The following ZNF618 variants were observed in gnomAD, a reference collection of about 807,000 sequenced individuals.
ZNF618 encodes neural precursor cell expressed, developmentally down-regulated 10.
Under a neutral mutation model 103.0 loss-of-function variants are expected in ZNF618, and 34 were observed. The observed-to-expected ratio is 0.33, with a 90% CI of 0.25 to 0.44. The LOEUF (loss-of-function observed/expected upper bound fraction) is 0.44. Ranked by LOEUF, ZNF618 falls within the 20% of genes least tolerant of loss-of-function variation. ZNF618 has a pLI of 1.00. For synonymous variants in ZNF618, 551 were observed against 542.2 expected, an observed-to-expected ratio of 1.02 and a Z score of -0.23; for missense variants, 1,059 against 1,295.4, an observed-to-expected ratio of 0.82 and a Z score of 2.80.
At chr9:113,876,472 G>C in intron 1 of ZNF618, 59 bp downstream of exon 1, 4 of 1,156,740 alleles carry the variant, frequency 3.5e-6, no homozygotes, top group Non-Finnish European at 4.3e-6. Flanking sequence ...CCGGGGCCCG[G>C]GGCGCTGCGC....
At chr9:113,944,902 A>T (rs1255482310) in intron 1 of ZNF618, among the ~76,000 whole-genome samples, 1 of 152,238 alleles carries the variant, frequency 6.6e-6, no homozygotes, top group Non-Finnish European at 1.5e-5. Flanking sequence ...ACAGGGGGCT[A>T]GTGGCAACCA....
intron 1 of ZNF618, among the ~76,000 whole-genome samples, chr9:113,925,944 T>G (rs572786396): frequency 8.5e-5 from 13 of 152,278 alleles, no homozygotes; most frequent in African/African-American, 3.1e-4. Context: ...TATTTTACTC[T>G]TATTTATTCC....
chr9:113,877,325 G>A (rs1347156863), intron 1 of ZNF618, among the ~76,000 whole-genome samples: 1 of 152,038 alleles, frequency 6.6e-6, no homozygotes, highest in Non-Finnish European at 1.5e-5. Context: ...TTGAGTTTAG[G>A]GAAAACTGAG....
intron 1 of ZNF618, among the ~76,000 whole-genome samples, chr9:113,963,863 C>G (rs1297373465): frequency 2.6e-5 from 4 of 152,070 alleles, no homozygotes; most frequent in African/African-American, 9.7e-5. Flanking sequence ...CAGCACACAC[C>G]CTGGGGGGTG....
rs1485168595 is a variant in ZNF618 at position 114,048,784 on chromosome 9, G to T, written c.1482G>T (p.Lys494Asn). ...TGGTCAGCGGGAAGGAGTTCCTGAA[G>T]TTGGCCCAGACCTTAGTAGACAGTG... ...LSVVSGKEFL[K>N]LAQTLVDSGA... The change falls in exon 15 of 15, where the codon AAG becomes AAT. Residue 494 changes from lysine to asparagine, a missense_variant. Transcript: ENST00000374126. The T allele has an allele frequency of 6.2e-7, 1 of 1,614,068 alleles. No individual in the cohort carries two copies. Among genetic ancestry groups the T allele is most frequent in the South Asian group, 1.1e-5 (1 of 91,082 alleles).
At chr9:113,878,582 G>A (rs1232271671) in intron 1 of ZNF618, among the ~76,000 whole-genome samples, 1 of 152,198 alleles carries the variant, frequency 6.6e-6, no homozygotes, top group Non-Finnish European at 1.5e-5. Context: ...GAAGCGTTTT[G>A]TGATAAATTA....
Position 114,049,861 on chromosome 9 carries a change from C to G in ZNF618, c.2559C>G (p.Pro853=). 6.2e-7 allele frequency: 1 copy of G among 1,613,946 alleles called. No homozygotes were observed. The change falls in exon 15 of 15, where the codon CCC becomes CCG. Residue 853 remains proline, a synonymous_variant. Coordinates refer to ENST00000374126, the MANE Select transcript of ZNF618 (RefSeq NM_001318042.2). ...ACTTCGAGCCCGCTGCCAAGAAGCC[C>G]CGCTCTGCTGCCGTCGAGAACCCCG... ...EADFEPAAKK[P]RSAAVENPAA... is the part of the protein sequence containing the mutation.
intron 10 of ZNF618, among the ~76,000 whole-genome samples, chr9:114,022,601 C>CAA (rs56235947): frequency 0.56 from 50,796 of 90,522 alleles, 14,907 homozygotes; most frequent in East Asian, 0.6. Context: ...TCCACTTGAC[C>CAA]AAAAAAAAAA....
chr9:114,026,136 G>A (rs1016700855), intron 10 of ZNF618, among the ~76,000 whole-genome samples: 1 of 152,206 alleles, frequency 6.6e-6, no homozygotes, highest in Admixed American at 6.5e-5. Flanking sequence ...TTTAAGTACA[G>A]TGTGTAGGAC....
rs768924155 is a variant in ZNF618 at position 113,968,355 on chromosome 9, A to G, written c.34-762A>G. On this transcript the variant is annotated intron_variant, in intron 1 of 14. Transcript: ENST00000374126. ...ATATGCACCTGAATTTCAGACCTGT[A>G]TTATCCTATGATTCTTATTAGAAGT... is the stretch of plus-strand genomic sequence containing the variant. Among the ~76,000 whole-genome samples the G allele has an allele frequency of 2.6e-4, 40 of 152,322 alleles. No individual in the cohort carries two copies. The Middle Eastern group carries it at 0.01, about 39-fold the overall frequency.
chr9:113,884,355 T>A (rs1451775261), intron 1 of ZNF618, among the ~76,000 whole-genome samples: 1 of 152,212 alleles, frequency 6.6e-6, no homozygotes, highest in Non-Finnish European at 1.5e-5. Context: ...TGCACCGTAT[T>A]TTCCTTACCT....
intron 1 of ZNF618, among the ~76,000 whole-genome samples, chr9:113,899,358 A>G (rs907688790): frequency 6.6e-6 from 1 of 151,996 alleles, no homozygotes; most frequent in African/African-American, 2.4e-5. Flanking sequence ...TGTGACTTAG[A>G]TCAGGGGTCC....
chr9:114,037,142 ATAAT>A (rs555863167), intron 13 of ZNF618, among the ~76,000 whole-genome samples: 1 of 152,334 alleles, frequency 6.6e-6, no homozygotes, highest in Admixed American at 6.5e-5. Flanking sequence ...GAATAAGTAA[ATAAT>A]TCCAAATTCT....
At chr9:113,916,805 CT>C (rs1832135207) in intron 1 of ZNF618, among the ~76,000 whole-genome samples, 1 of 152,236 alleles carries the variant, frequency 6.6e-6, no homozygotes. Context: ...AAAAACATTG[CT>C]CTGTCCCAAT....
intron 1 of ZNF618, among the ~76,000 whole-genome samples, chr9:113,911,338 G>GT (rs1162340103): frequency 6.6e-6 from 1 of 151,860 alleles, no homozygotes; most frequent in East Asian, 1.9e-4. Context: ...TTTTTGTTTT[G>GT]TTTTTTTGAG....
At chr9:114,025,339 T>G (rs1191534326) in intron 10 of ZNF618, among the ~76,000 whole-genome samples, 1 of 152,226 alleles carries the variant, frequency 6.6e-6, no homozygotes, top group Non-Finnish European at 1.5e-5. Flanking sequence ...CTTGATTGTG[T>G]GGTTGCTTTT....
intron 6 of ZNF618, among the ~76,000 whole-genome samples, chr9:114,004,017 G>A (rs940663483): frequency 6.6e-6 from 1 of 151,990 alleles, no homozygotes; most frequent in Non-Finnish European, 1.5e-5. Context: ...CCGTTCTATG[G>A]GTTTGTTACA....
At chr9:114,012,337 A>G (rs1842328861) in intron 9 of ZNF618, among the ~76,000 whole-genome samples, 2 of 149,464 alleles carry the variant, frequency 1.3e-5, no homozygotes, top group African/African-American at 4.8e-5. Flanking sequence ...TGGTCACCAT[A>G]TGTCTGGACA....
intron 10 of ZNF618, among the ~76,000 whole-genome samples, chr9:114,027,157 CAG>C (rs921426416): frequency 2.9e-4 from 44 of 152,266 alleles, no homozygotes; most frequent in Non-Finnish European, 3.8e-4. Context: ...TGGTGGGACT[CAG>C]GGGCCTCTGA....
Sources: gnomAD v4.1 joint callset for allele counts (sites outside exome capture counted in the v4.1 genomes callset) on GRCh38, gnomAD v4.1.1 for gene constraint, MANE v1.5 for transcripts, NCBI Gene and HGNC (gene_info 2026-07-23, HGNC 2026-07-21) for gene names.